Variants in FAM171A1 observed in about 807,000 individuals in gnomAD.
FAM171A1 encodes the protein protein FAM171A1.
In FAM171A1, 23 loss-of-function variants were observed where a neutral mutation model predicts 74.9. The observed-to-expected ratio is 0.31, with a 90% CI of 0.22 to 0.44. The LOEUF (loss-of-function observed/expected upper bound fraction) is 0.44, where lower values mean the gene tolerates loss of function less well. FAM171A1 is among the 20% of genes least tolerant of loss of function. FAM171A1 has a pLI of 1.00. For missense variants in FAM171A1, 1,162 were observed against 1,159.2 expected (o/e 1.00, Z -0.03); for synonymous variants, 527 against 505.7 (o/e 1.04, Z -0.57).
chr10:15,272,105 G>C (rs1371969570), intron 3 of FAM171A1, among the ~76,000 whole-genome samples: 1 of 152,136 alleles, frequency 6.6e-6, no homozygotes, highest in Non-Finnish European at 1.5e-5. Flanking sequence ...TGGATAAACA[G>C]TCAAGACCCA....
rs368456977 is a variant in FAM171A1 at position 15,281,171 on chromosome 10, T to A, written c.325+2707A>T. Among the ~76,000 whole-genome samples, 532 of 152,272 alleles carry A rather than the reference T, an allele frequency of 3.5e-3. 3 individuals carry two copies. Among genetic ancestry groups the A allele is most frequent in the African/African-American group, 0.012 (509 of 41,546 alleles). On this transcript the variant is annotated intron_variant, in intron 2 of 7. Coordinates refer to ENST00000378116, the MANE Select transcript of FAM171A1 (RefSeq NM_001010924.2). ...GCCATGTGAAATGTCTCACTTCCCT[T>A]TTGCCTTTTGCCATGATCGGAAGCT... is the stretch of plus-strand genomic sequence containing the variant.
chr10:15,265,796 A>C (rs1383900986), intron 3 of FAM171A1, among the ~76,000 whole-genome samples: 1 of 151,982 alleles, frequency 6.6e-6, no homozygotes, highest in East Asian at 1.9e-4. Flanking sequence ...TTTCACCTTT[A>C]GTCAGTTAGA....
intron 1 of FAM171A1, among the ~76,000 whole-genome samples, chr10:15,333,715 AG>A (rs1835668503): frequency 6.6e-6 from 1 of 151,932 alleles, no homozygotes. Context: ...GCCTGTCATC[AG>A]TCCCAGCTAC....
intron 5 of FAM171A1, among the ~76,000 whole-genome samples, chr10:15,245,192 C>T (rs977622716): frequency 3.3e-5 from 5 of 152,102 alleles, no homozygotes; most frequent in South Asian, 2.1e-4. Flanking sequence ...CAGCCTCTGG[C>T]GTAGCTGGGA....
At chr10:15,265,401 G>A (rs1239770460) in intron 3 of FAM171A1, among the ~76,000 whole-genome samples, 2 of 151,144 alleles carry the variant, frequency 1.3e-5, no homozygotes, top group Non-Finnish European at 2.9e-5. Context: ...ATCTTTGAGC[G>A]CAGGAGTTTG....
At chr10:15,248,337 A>G (rs1834460939) in intron 5 of FAM171A1, among the ~76,000 whole-genome samples, 1 of 152,220 alleles carries the variant, frequency 6.6e-6, no homozygotes, top group Admixed American at 6.5e-5. Flanking sequence ...TGATGAATAA[A>G]AGGATGAAGA....
chr10:15,274,330 G>C (rs961252683), intron 3 of FAM171A1, among the ~76,000 whole-genome samples: 1 of 152,158 alleles, frequency 6.6e-6, no homozygotes, highest in African/African-American at 2.4e-5. Context: ...ACTTACAAGG[G>C]ATGTGAAGGA....
chr10:15,328,401 C>T (rs953733103), intron 1 of FAM171A1, among the ~76,000 whole-genome samples: 10 of 152,354 alleles, frequency 6.6e-5, no homozygotes, highest in Admixed American at 6.5e-4. Flanking sequence ...CCGCCTCGGC[C>T]TCCCAAAGGT....
chr10:15,260,347 T>C (rs552986697), intron 3 of FAM171A1, among the ~76,000 whole-genome samples: 1 of 152,200 alleles, frequency 6.6e-6, no homozygotes, highest in Non-Finnish European at 1.5e-5. Context: ...AAGAGCATCA[T>C]GAGAACATGG....
At chr10:15,295,992 G>A (rs972379758) in intron 1 of FAM171A1, among the ~76,000 whole-genome samples, 1 of 152,186 alleles carries the variant, frequency 6.6e-6, no homozygotes, top group African/African-American at 2.4e-5. Flanking sequence ...TTTGCTCTAC[G>A]AGGTTTTGCC....
At chr10:15,304,315 A>G (rs963715175) in intron 1 of FAM171A1, among the ~76,000 whole-genome samples, 1 of 152,090 alleles carries the variant, frequency 6.6e-6, no homozygotes, top group East Asian at 1.9e-4. Context: ...CCTCCCAGCA[A>G]TTACTCCTGG....
chr10:15,302,000 A>G (rs377446131), intron 1 of FAM171A1, among the ~76,000 whole-genome samples: 3 of 152,140 alleles, frequency 2.0e-5, no homozygotes, highest in African/African-American at 7.2e-5. Flanking sequence ...GACAGTCCCA[A>G]TTTTTGGGTA....
upstream of FAM171A1, among the ~76,000 whole-genome samples, chr10:15,373,407 G>A (rs546968354): frequency 5.3e-5 from 8 of 152,148 alleles, no homozygotes; most frequent in Non-Finnish European, 8.8e-5. Flanking sequence ...ACAAACCGAG[G>A]CTTGGTGCCA....
At chr10:15,370,898 GCCT>G in intron 1 of FAM171A1, 55 bp downstream of exon 1, 3 of 848,450 alleles carry the variant, frequency 3.5e-6, no homozygotes, top group African/African-American at 3.7e-5. Context: ...CGCCGCCGCC[GCCT>G]CCGCGCCAGG....
chr10:15,243,615 T>C (rs1834390979), intron 5 of FAM171A1, among the ~76,000 whole-genome samples: 1 of 151,922 alleles, frequency 6.6e-6, no homozygotes, highest in Non-Finnish European at 1.5e-5. Context: ...TATTCAAATA[T>C]ACTCATTAAA....
chr10:15,288,675 C>T (rs547719473), intron 1 of FAM171A1, among the ~76,000 whole-genome samples: 58 of 152,100 alleles, frequency 3.8e-4, no homozygotes, highest in Non-Finnish European at 7.4e-4. Flanking sequence ...TAATCAACAC[C>T]CTAGATTCTA....
At chr10:15,373,909 C>G (rs1350377908), upstream of FAM171A1, among the ~76,000 whole-genome samples, 1 of 152,132 alleles carries the variant, frequency 6.6e-6, no homozygotes, top group African/African-American at 2.4e-5. Flanking sequence ...GTCCAACCTG[C>G]CTTATTTTGT....
intron 1 of FAM171A1, among the ~76,000 whole-genome samples, chr10:15,294,779 G>A (rs1377095826): frequency 2.0e-5 from 3 of 152,194 alleles, no homozygotes; most frequent in Non-Finnish European, 2.9e-5. Context: ...TCTAAGTAGC[G>A]AGTTAAGAGT....
Position 15,221,001 on chromosome 10 carries a change from T to A in FAM171A1, c.814A>T (p.Thr272Ser). 1 of 1,614,106 alleles carries A rather than the reference T, an allele frequency of 6.2e-7. No individual in the cohort carries two copies. The highest frequency in any genetic ancestry group is 8.5e-7 in the Non-Finnish European group (1 of 1,180,012). The change falls in exon 6 of 8, where the codon ACA (threonine) becomes TCA (serine). Residue 272 changes from threonine (T) to serine (S), a missense_variant. By Grantham distance (58) the Thr-to-Ser change is moderately conservative (BLOSUM62 1). Coordinates refer to ENST00000378116, the MANE Select transcript of FAM171A1 (RefSeq NM_001010924.2). ...TACCCCAACTGGGGGGCAATGTATG[T>A]CCACGTCAGCTGGCTGCCTTCCTGG... ...VHQEGSQLTWTYIAPQLGYWV... is the reference protein window; with the variant it reads ...VHQEGSQLTWSYIAPQLGYWV...
Sources: gnomAD v4.1 joint callset for allele counts (sites outside exome capture counted in the v4.1 genomes callset) on GRCh38, gnomAD v4.1.1 for gene constraint, MANE v1.5 for transcripts, NCBI Gene and HGNC (gene_info 2026-07-23, HGNC 2026-07-21) for gene names.